STMN4: variants seen among roughly 807,000 people sequenced by gnomAD.
The protein encoded by STMN4 is stathmin-4.
In STMN4, 12 loss-of-function variants were observed where a neutral mutation model predicts 29.1. The ratio of observed to expected loss-of-function variants is 0.41; its 90% CI spans 0.26 to 0.67. The LOEUF is 0.67. Ranked by LOEUF, STMN4 falls within the 30% of genes least tolerant of loss-of-function variation. STMN4 has a pLI of 0.30. For missense variants in STMN4, 181 were observed against 262.8 expected (o/e 0.69, Z 2.15); for synonymous variants, 114 against 105.3 (o/e 1.08, Z -0.51).
chr8:27,244,979 CAA>C (rs1563416773), intron 1 of STMN4, among the ~76,000 whole-genome samples: 1 of 152,092 alleles, frequency 6.6e-6, no homozygotes, highest in Non-Finnish European at 1.5e-5. Context: ...CCTTGCCAGC[CAA>C]AGAGACTCTG....
At chr8:27,243,599 C>T in intron 2 of STMN4, 112 bp downstream of exon 2, 2 of 1,187,112 alleles carry the variant, frequency 1.7e-6, no homozygotes, top group Non-Finnish European at 2.5e-6. Context: ...CACCCCCCCA[C>T]ACACCCCGTG....
intron 1 of STMN4, among the ~76,000 whole-genome samples, chr8:27,246,653 G>A (rs1586013371): frequency 6.6e-6 from 1 of 152,178 alleles, no homozygotes; most frequent in Admixed American, 6.5e-5. Context: ...GTCCTTATAA[G>A]AGAGACTGAG....
chr8:27,246,224 GAGA>G (rs1238841998), intron 1 of STMN4, among the ~76,000 whole-genome samples: 2 of 152,182 alleles, frequency 1.3e-5, no homozygotes, highest in Non-Finnish European at 2.9e-5. Flanking sequence ...TAGGAACACA[GAGA>G]AGGTCAGAAA....
At chr8:27,244,354 C>G (rs1031218010) in intron 1 of STMN4, among the ~76,000 whole-genome samples, 1 of 152,176 alleles carries the variant, frequency 6.6e-6, no homozygotes, top group African/African-American at 2.4e-5. Flanking sequence ...TGTGTTTGAC[C>G]CTATTTAAGA....
chr8:27,247,566 T>G (rs558242562), intron 1 of STMN4, among the ~76,000 whole-genome samples: 11 of 152,310 alleles, frequency 7.2e-5, no homozygotes, highest in Admixed American at 3.3e-4. Context: ...CCTGGTTGTG[T>G]GATGCTAGGT....
intron 6 of STMN4, chr8:27,239,641 T>C: frequency 7.5e-7 from 1 of 1,332,700 alleles, no homozygotes. Flanking sequence ...AAGCTAGGAA[T>C]GCATACCTGC....
At chr8:27,253,333 A>G (rs1801846613) in intron 1 of STMN4, among the ~76,000 whole-genome samples, 1 of 152,152 alleles carries the variant, frequency 6.6e-6, no homozygotes, top group African/African-American at 2.4e-5. Flanking sequence ...AAAATCTTTT[A>G]TGTCTATATT....
At chr8:27,241,359 C>A (rs1406927765) in intron 4 of STMN4, 97 bp from the exon 5 acceptor site, 1 of 1,484,708 alleles carries the variant, frequency 6.7e-7, no homozygotes, top group Non-Finnish European at 9.3e-7. Context: ...AGAACTGGGG[C>A]CCCAAGCAAG....
At position 27,240,166 on chromosome 8, in the gene STMN4, G is replaced by C; in HGVS notation, c.400-4C>G. The stretch of plus-strand genomic sequence containing the variant: ...TCAGGAGCTCCGCTTCCTGGTACTG[G>C]GGAAGCATAAAGGCAGAAGGAGGCC... On this transcript the variant is annotated splice_region_variant and splice_polypyrimidine_tract_variant and intron_variant, in intron 5 of 6. Transcript: ENST00000350889. 6.2e-7 allele frequency: 1 copy of C among 1,612,982 alleles called. No homozygotes were observed. The highest frequency in any genetic ancestry group is 8.5e-7 in the Non-Finnish European group (1 of 1,179,452).
chr8:27,237,931 C>G (rs1801356587), intron 6 of STMN4, among the ~76,000 whole-genome samples: 1 of 152,214 alleles, frequency 6.6e-6, no homozygotes, highest in Non-Finnish European at 1.5e-5. Flanking sequence ...ACATGGCAAG[C>G]ACTCAACCAA....
chr8:27,255,553 G>A (rs73239477), intron 1 of STMN4, among the ~76,000 whole-genome samples: 11 of 152,152 alleles, frequency 7.2e-5, no homozygotes, highest in East Asian at 5.8e-4. Context: ...TTTCCAATCC[G>A]TCTATACAGT....
rs145697113 is a variant in STMN4 at position 27,243,102 on chromosome 8, G to C, written c.13+609C>G. ...CACCCTCTAGTCTATCTGTGTTTGG[G>C]ATGTCAGGGGCCAGAGCTGTCCTGG... On this transcript the variant is annotated intron_variant, in intron 2 of 6. Coordinates refer to ENST00000350889, the MANE Select transcript of STMN4 (RefSeq NM_030795.4). Among the ~76,000 whole-genome samples, 149 of 152,330 alleles carry C rather than the reference G, an allele frequency of 9.8e-4. 1 individual carries two copies. The highest frequency in any genetic ancestry group is 3.2e-3 in the African/African-American group (134 of 41,574).
chr8:27,241,394 C>T (rs1165600426), intron 4 of STMN4, 132 bp from the exon 5 acceptor site: 9 of 1,057,182 alleles, frequency 8.5e-6, no homozygotes, highest in African/African-American at 1.6e-5. Flanking sequence ...CTGGCTTAGT[C>T]CTACACCCTA....
intron 6 of STMN4, among the ~76,000 whole-genome samples, chr8:27,238,854 CAA>C (rs1801385151): frequency 1.3e-5 from 2 of 152,256 alleles, no homozygotes; most frequent in Non-Finnish European, 2.9e-5. Context: ...AAGTATTTTG[CAA>C]AGAGTCTCTC....
chr8:27,242,555 A>C (rs142091159), intron 2 of STMN4, 63 bp from the exon 3 acceptor site: 2 of 1,553,108 alleles, frequency 1.3e-6, no homozygotes, highest in African/African-American at 1.4e-5. Context: ...CAGCGTCCTC[A>C]CGGGTCTGGG....
chr8:27,253,868 C>A (rs554325641), intron 1 of STMN4, among the ~76,000 whole-genome samples: 1 of 151,948 alleles, frequency 6.6e-6, no homozygotes, highest in Admixed American at 6.6e-5. Context: ...CTGCAACCTC[C>A]GCCTCCCGGG....
intron 1 of STMN4, among the ~76,000 whole-genome samples, chr8:27,251,783 T>A (rs926900558): frequency 1.8e-4 from 26 of 144,036 alleles, no homozygotes; most frequent in Middle Eastern, 3.5e-3. Context: ...TTAAAAAAAA[T>A]TTCTTTTTTG....
intron 2 of STMN4, 122 bp from the exon 3 acceptor site, chr8:27,242,614 C>T: frequency 2.3e-6 from 2 of 884,438 alleles, no homozygotes; most frequent in Non-Finnish European, 1.8e-6. Context: ...CACGCAGGCA[C>T]ACGCCAAGCC....
At chr8:27,251,035 T>A (rs1189599690) in intron 1 of STMN4, among the ~76,000 whole-genome samples, 2 of 151,994 alleles carry the variant, frequency 1.3e-5, no homozygotes, top group Non-Finnish European at 2.9e-5. Context: ...AATCATGAGG[T>A]CAGGAGTTCG....
Sources: allele counts gnomAD v4.1 joint callset (sites outside exome capture counted in the v4.1 genomes callset), GRCh38; gene constraint gnomAD v4.1.1; transcripts MANE v1.5; gene names NCBI Gene and HGNC (gene_info 2026-07-23, HGNC 2026-07-21).